CPNE7: variants seen among roughly 807,000 people sequenced by gnomAD.
The protein encoded by CPNE7 is copine 7, also known as copine-7.
In CPNE7, 78 loss-of-function variants were observed where a neutral mutation model predicts 66.5. That is an observed-to-expected ratio of 1.17 (90% CI 0.98 to 1.42). CPNE7 has a LOEUF of 1.42. CPNE7 is among the 40% of genes most tolerant of loss of function. The pLI is 0.00. For synonymous variants in CPNE7, 468 were observed against 336.7 expected (o/e 1.39, Z -4.27); for missense variants, 1,012 against 776.6 (o/e 1.30, Z -3.60).
intron 13 of CPNE7, among the ~76,000 whole-genome samples, chr16:89,592,658 G>C (rs1342637242): frequency 1.3e-5 from 2 of 149,530 alleles, no homozygotes; most frequent in African/African-American, 4.9e-5. Context: ...TGGCCAGGCT[G>C]GTCTTAAACT....
intron 14 of CPNE7, among the ~76,000 whole-genome samples, chr16:89,596,085 C>G (rs1245401551): frequency 1.3e-5 from 2 of 152,272 alleles, no homozygotes; most frequent in African/African-American, 2.4e-5. Context: ...TTCTACACAG[C>G]AAGACACCAC....
chr16:89,590,041 G>A, intron 11 of CPNE7, 90 bp downstream of exon 11: 1 of 1,422,388 alleles, frequency 7.0e-7, no homozygotes, highest in Non-Finnish European at 9.8e-7. Context: ...AGCCCTGGCT[G>A]CCTGCTGGGA....
intron 1 of CPNE7, among the ~76,000 whole-genome samples, chr16:89,576,426 T>TTG (rs1252064775): frequency 6.7e-6 from 1 of 149,546 alleles, no homozygotes; most frequent in African/African-American, 2.5e-5. Flanking sequence ...CGCAAGGAGA[T>TTG]TGAGGGGTGA....
chr16:89,587,716 G>GACCCCGCGTCACCCATAGATACGCA (rs1567960695), intron 9 of CPNE7: 1 of 143,548 alleles, frequency 7.0e-6, no homozygotes, highest in Non-Finnish European at 1.7e-5. Flanking sequence ...CACCCCCATA[G>GACCCCGCGTCACCCATAGATACGCA]CACCCCCGTG....
intron 13 of CPNE7, among the ~76,000 whole-genome samples, chr16:89,594,642 CTTTTTTTTTTTTTTT>C (rs57032352): frequency 3.5e-5 from 3 of 86,902 alleles, no homozygotes; most frequent in Non-Finnish European, 6.7e-5. Flanking sequence ...TCCATTCTGC[CTTTTTTTTTTTTTTT>C]TTTTTTTTTT....
In CPNE7 at chr16:89,596,679, G is replaced by T; in HGVS notation, c.*58G>T. 6.7e-7 allele frequency: 1 copy of T among 1,481,910 alleles called. No homozygotes were observed. Among genetic ancestry groups the T allele is most frequent in the Non-Finnish European group, 8.9e-7 (1 of 1,121,736 alleles). 91.8% of individuals were successfully genotyped at this position (1,481,910 alleles called of 1,614,324 possible). ...GAATGGGTCCGTACAGCCTCTGTCT[G>T]CAACATGCTTGGGGTCCCTTAAGCT... On this transcript the variant is annotated 3_prime_UTR_variant, in exon 15 of 15. Transcript: ENST00000319518.
Position 89,596,747 on chromosome 16 carries a change from C to A in CPNE7, c.*126C>A. The stretch of plus-strand genomic sequence containing the variant: ...AGCCTCCAGTCCCCACCAGGCCCCA[C>A]TCCCAGTCCTCCTGGGATCCTGCTG... On this transcript the variant is annotated 3_prime_UTR_variant, in exon 15 of 15. Coordinates refer to ENST00000319518, the MANE Select transcript of CPNE7 (RefSeq NM_153636.3). 1 of 1,171,080 alleles carries A rather than the reference C, an allele frequency of 8.5e-7. No individual in the cohort carries two copies. The highest frequency in any genetic ancestry group is 1.1e-6 in the Non-Finnish European group (1 of 893,628). 72.5% of individuals were successfully genotyped at this position (1,171,080 alleles called of 1,614,324 possible).
intron 2 of CPNE7, among the ~76,000 whole-genome samples, chr16:89,578,012 T>G (rs1298063165): frequency 6.6e-6 from 1 of 152,186 alleles, no homozygotes; most frequent in Non-Finnish European, 1.5e-5. Context: ...GAGAGAGATT[T>G]TCACAGGAGC....
intron 2 of CPNE7, among the ~76,000 whole-genome samples, chr16:89,581,388 GC>G (rs1402087751): frequency 2.0e-5 from 3 of 152,012 alleles, no homozygotes; most frequent in South Asian, 4.1e-4. Context: ...ACCCGCAGCT[GC>G]CCCTGCCCCT....
intron 11 of CPNE7, among the ~76,000 whole-genome samples, chr16:89,590,630 G>A (rs1381614681): frequency 1.3e-5 from 2 of 151,370 alleles, no homozygotes; most frequent in African/African-American, 2.4e-5. Context: ...GCTGGATCCA[G>A]GGAGGTCTGC....
rs1597690326 is a variant in CPNE7, at chr16:89,578,033, A to G, written c.357+312A>G. 2.0e-5 allele frequency among the ~76,000 whole-genome samples: 3 copies of G among 151,174 alleles called. No homozygotes were observed. In the South Asian group the frequency reaches 6.3e-4, roughly 32 times the overall value. On this transcript the variant is annotated intron_variant, in intron 2 of 14. Coordinates refer to ENST00000319518, the MANE Select transcript of CPNE7 (RefSeq NM_153636.3). ...GATTTTCACAGGAGCAAACCAGCCT[A>G]TCACTTTTCCTCTTTTTTCTTTTTT...
At chr16:89,586,784 C>G in intron 8 of CPNE7, 28 bp downstream of exon 8, 1 of 1,585,840 alleles carries the variant, frequency 6.3e-7, no homozygotes, top group Non-Finnish European at 8.7e-7. Flanking sequence ...CCGAAGCCTC[C>G]CCACCCACAA....
At chr16:89,582,911 G>GC (rs2058977758) in intron 2 of CPNE7, among the ~76,000 whole-genome samples, 1 of 152,266 alleles carries the variant, frequency 6.6e-6, no homozygotes, top group African/African-American at 2.4e-5. Flanking sequence ...ACCCCGCTTG[G>GC]CCGGGGTCAT....
chr16:89,587,524 G>C (rs1226757496), intron 9 of CPNE7: 1 of 452,850 alleles, frequency 2.2e-6, no homozygotes, highest in East Asian at 7.1e-5. Flanking sequence ...ACATCACCAG[G>C]GCTTACCTTC....
Position 89,589,932 on chromosome 16 carries a change from G to A in CPNE7, c.1097G>A (p.Arg366Gln), listed in dbSNP as rs745657186. ...KRFSALGFGA[R>Q]IPPKYEVSHD... ...TTTTCCGCTTTGGGGTTTGGAGCCC[G>A]GATCCCTCCCAAGTATGAGGTAGGA... Residue 366 changes from arginine to glutamine, a missense_variant, in exon 11 of 15, where the codon CGG becomes CAG. By Grantham distance (43) the Arg-to-Gln change is conservative (BLOSUM62 1). Coordinates refer to ENST00000319518, the MANE Select transcript of CPNE7 (RefSeq NM_153636.3). The A allele has an allele frequency of 1.2e-5, 20 of 1,613,704 alleles. No individual in the cohort carries two copies. The highest frequency in any genetic ancestry group is 4.0e-5 in the African/African-American group (3 of 75,060).
chr16:89,587,066 GGACT>G lies in CPNE7; in HGVS notation c.892_895del (p.Asp298IlefsTer41). 6.3e-7 allele frequency: 1 copy of G among 1,579,850 alleles called. No individual in the cohort carries two copies. Among genetic ancestry groups the G allele is most frequent in the Non-Finnish European group, 8.6e-7 (1 of 1,162,822 alleles). ...AGTTCCACAGGGTGTACTCCTTCCTGGACTATATCATGGGCGGCTGCCAGATCCA... is the reference window on the plus strand; with the variant it reads ...AGTTCCACAGGGTGTACTCCTTCCTGATATCATGGGCGGCTGCCAGATCCA... On this transcript the variant is annotated frameshift_variant, in exon 9 of 15. Coordinates refer to ENST00000319518, the MANE Select transcript of CPNE7 (RefSeq NM_153636.3). LOFTEE classifies it high-confidence loss of function.
chr16:89,588,765 A>C lies in CPNE7; in HGVS notation c.1018A>C (p.Lys340Gln), dbSNP rs1401839198. 1.2e-6 allele frequency: 2 copies of C among 1,613,694 alleles called. No homozygotes were observed. The highest frequency in any genetic ancestry group is 1.7e-6 in the Non-Finnish European group (2 of 1,179,954). The change falls in exon 10 of 15, where the codon AAG becomes CAG. Residue 340 changes from lysine to glutamine, a missense_variant. Transcript: ENST00000319518. ...CCCCTACCAGCCGAACGAGTACCTG[A>C]AGGCACTGGTGTCCGTGGGCGAGAT... ...INPYQPNEYLKALVSVGEICQ... is the reference protein window; with the variant it reads ...INPYQPNEYLQALVSVGEICQ...
chr16:89,580,210 G>A (rs377580809), intron 2 of CPNE7, among the ~76,000 whole-genome samples: 6 of 32,204 alleles, frequency 1.9e-4, no homozygotes, highest in South Asian at 2.2e-3. Flanking sequence ...GGAACATCCC[G>A]TCACCCGCTG....
chr16:89,583,788 C>T lies in CPNE7; in HGVS notation c.432+17C>T, dbSNP rs1016354033. On this transcript the variant is annotated intron_variant, in intron 3 of 14. Coordinates refer to ENST00000319518, the MANE Select transcript of CPNE7 (RefSeq NM_153636.3). ...ACCATCACGGTGAGACCCGGGCGCA[C>T]CCCTGCAGCCTGCAGGCCCTGCTGC... is the stretch of plus-strand genomic sequence containing the variant. 1.9e-6 allele frequency: 3 copies of T among 1,611,930 alleles called. No homozygotes were observed. The highest frequency in any genetic ancestry group is 1.3e-5 in the African/African-American group (1 of 74,936).
Sources: gnomAD v4.1 joint callset for allele counts (sites outside exome capture counted in the v4.1 genomes callset) on GRCh38, gnomAD v4.1.1 for gene constraint, MANE v1.5 for transcripts, NCBI Gene and HGNC (gene_info 2026-07-23, HGNC 2026-07-21) for gene names.